The following CIAO1 variants were observed in gnomAD, a reference collection of about 807,000 sequenced individuals.
CIAO1 encodes the protein cytosolic iron-sulfur assembly component 1.
A neutral mutation model predicts 43.1 loss-of-function variants in CIAO1; 32 were observed. The ratio of observed to expected loss-of-function variants is 0.74; its 90% CI spans 0.56 to 1.00. The LOEUF (loss-of-function observed/expected upper bound fraction) is 1.00. CIAO1 is among the 50% of genes least tolerant of loss of function. CIAO1 has a pLI of 0.00. For missense variants in CIAO1, 415 were observed against 437.4 expected, an observed-to-expected ratio of 0.95 and a Z score of 0.46; for synonymous variants, 183 against 171.4, an observed-to-expected ratio of 1.07 and a Z score of -0.53.
Position 96,268,446 on chromosome 2 carries a change from T to C in CIAO1, c.490-11T>C. 1 of 1,613,926 alleles carries C rather than the reference T, an allele frequency of 6.2e-7. No individual in the cohort carries two copies. The highest frequency in any genetic ancestry group is 8.5e-7 in the Non-Finnish European group (1 of 1,179,814). On this transcript the variant is annotated splice_polypyrimidine_tract_variant and intron_variant, in intron 4 of 6. Coordinates refer to ENST00000488633, the MANE Select transcript of CIAO1 (RefSeq NM_004804.3). ...AGACACATGTTGGGTTTCCTTTCACTCTTCCCCCAGCTCTTAGCTTCTGCC... is the reference window on the plus strand; with the variant it reads ...AGACACATGTTGGGTTTCCTTTCACCCTTCCCCCAGCTCTTAGCTTCTGCC...
rs1684431862 is a variant in CIAO1 at position 96,266,484 on chromosome 2, C to T, written c.134C>T (p.Thr45Met). 2.6e-6 allele frequency: 4 copies of T among 1,538,446 alleles called. No homozygotes were observed. The highest frequency in any genetic ancestry group is 1.8e-6 in the Non-Finnish European group (2 of 1,135,142). The change falls in exon 1 of 7, where the codon ACG (threonine) becomes ATG (methionine). Residue 45 changes from threonine to methionine, a missense_variant. Physicochemically the swap from Thr to Met is moderately conservative, Grantham distance 81. Transcript: ENST00000488633. ...GACCGGAGAATCCGCATCTGGGGCA[C>T]GGAGGGTAAGGCCCAGCCTGGTTGC... ...GGDRRIRIWG[T>M]EGDSWICKSV... is the part of the protein sequence containing the mutation.
chr2:96,266,608 A>G (rs951397832), intron 1 of CIAO1, 119 bp downstream of exon 1: 61 of 1,122,244 alleles, frequency 5.4e-5, no homozygotes, highest in Non-Finnish European at 2.7e-5. Context: ...GTGGGATGTT[A>G]GCCACGCCGA....
intron 6 of CIAO1, among the ~76,000 whole-genome samples, chr2:96,270,669 G>C (rs1215764287): frequency 6.6e-6 from 1 of 151,220 alleles, no homozygotes; most frequent in Non-Finnish European, 1.5e-5. Context: ...AATTAGCCGG[G>C]CATGGTGGCA....
Position 96,268,570 on chromosome 2 carries a change from C to T in CIAO1, c.603C>T (p.Ala201=). The T allele has an allele frequency of 6.2e-7, 1 of 1,614,160 alleles. No individual in the cohort carries two copies. The highest frequency in any genetic ancestry group is 8.5e-7 in the Non-Finnish European group (1 of 1,180,038). ...EGHESTVWSL[A]FDPSGQRLAS... ...ATGAATCCACTGTGTGGAGCTTGGC[C>T]TTTGACCCGAGTGGCCAGCGCCTGG... Residue 201 remains alanine, a synonymous_variant, in exon 5 of 7, where the codon GCC becomes GCT. Transcript: ENST00000488633.
At chr2:96,267,563 CA>C (rs1684459592) in intron 2 of CIAO1, 61 bp from the exon 3 acceptor site, 3 of 1,608,864 alleles carry the variant, frequency 1.9e-6, no homozygotes, top group Non-Finnish European at 2.6e-6. Context: ...GGGCTGTACC[CA>C]TGGGAAGGGG....
Position 96,267,474 on chromosome 2 carries a change from C to T in CIAO1, c.288+5C>T, listed in dbSNP as rs1312013354. ...AAGAACCAGGATGACTTTGAGGTAC[C>T]CAGGCTGGTTGGGACCAGAATTATT... On this transcript the variant is annotated splice_donor_5th_base_variant and intron_variant, in intron 2 of 6. Coordinates refer to ENST00000488633, the MANE Select transcript of CIAO1 (RefSeq NM_004804.3). 3 of 1,613,820 alleles carry T rather than the reference C, an allele frequency of 1.9e-6. No homozygotes were observed. Among genetic ancestry groups the T allele is most frequent in the Admixed American group, 1.7e-5 (1 of 59,998 alleles).
At chr2:96,269,377 C>G (rs369905973) in intron 6 of CIAO1, 22 bp downstream of exon 6, 2 of 1,591,612 alleles carry the variant, frequency 1.3e-6, no homozygotes, top group African/African-American at 2.7e-5. Flanking sequence ...TCCCCCCACC[C>G]CATCCCATCC....
At position 96,271,520 on chromosome 2, in the gene CIAO1, C is replaced by A; in HGVS notation, c.*169C>A. The A allele has an allele frequency of 1.4e-6, 1 of 740,208 alleles. No individual in the cohort carries two copies. The highest frequency in any genetic ancestry group is 2.1e-6 in the Non-Finnish European group (1 of 466,274). The allele number at this position is 740,208 out of a possible 1,614,324, so 45.9% of individuals were successfully genotyped here. On this transcript the variant is annotated 3_prime_UTR_variant, in exon 7 of 7. Transcript: ENST00000488633. ...CCACAGAATTGCTTTCCTTCCCCGC[C>A]TTTGACATGAGGCCTTCAGTAAAGA... is the stretch of plus-strand genomic sequence containing the variant.
chr2:96,268,300 C>T (rs1363169785), intron 4 of CIAO1, among the ~76,000 whole-genome samples, 157 bp from the exon 5 acceptor site: 3 of 152,190 alleles, frequency 2.0e-5, no homozygotes, highest in Non-Finnish European at 4.4e-5. Context: ...TACGGTGAGC[C>T]GAGATCGTGC....
rs927647008 is a variant in CIAO1, at chr2:96,267,754, C to T, written c.400+18C>T. ...CTGGGAAGGTGAGGCCAGGTCCCTCCAGGTGGATTGGGAACCACCTGACAG... is the reference window on the plus strand; with the variant it reads ...CTGGGAAGGTGAGGCCAGGTCCCTCTAGGTGGATTGGGAACCACCTGACAG... On this transcript the variant is annotated intron_variant, in intron 3 of 6. Transcript: ENST00000488633. The T allele has an allele frequency of 3.7e-6, 6 of 1,613,628 alleles. 1 individual carries two copies. In the Admixed American group the frequency reaches 8.3e-5, roughly 22 times the overall value.
chr2:96,268,397 T>A, intron 4 of CIAO1, 60 bp from the exon 5 acceptor site: 6 of 1,396,834 alleles, frequency 4.3e-6, no homozygotes, highest in Non-Finnish European at 5.1e-6. Context: ...GGAACTGACC[T>A]GTCCTTTGCT....
rs892293910 is a variant in CIAO1, at chr2:96,272,495, A to G, written c.*1144A>G. ...GTAGTTTTGATATGTCCTTGATAGA[A>G]CAAATAGCAATGGTTAACTATTAAA... is the stretch of plus-strand genomic sequence containing the variant. On this transcript the variant is annotated 3_prime_UTR_variant, in exon 7 of 7. Transcript: ENST00000488633. 3.3e-5 allele frequency: 5 copies of G among 152,254 alleles called. No individual in the cohort carries two copies. Among genetic ancestry groups the G allele is most frequent in the Admixed American group, 1.3e-4 (2 of 15,286 alleles). The allele number at this position is 152,254 out of a possible 1,614,324, so 9.4% of individuals were successfully genotyped here.
chr2:96,268,001 C>T, intron 4 of CIAO1, 77 bp downstream of exon 4: 2 of 1,203,248 alleles, frequency 1.7e-6, no homozygotes, highest in South Asian at 1.2e-5. Flanking sequence ...TGCTTTTCAG[C>T]CTTAATCTAG....
chr2:96,268,359 T>TAATAA lies in CIAO1; in HGVS notation c.490-85_490-81dup, dbSNP rs577187733. 6.3e-5 allele frequency: 65 copies of TAATAA among 1,039,216 alleles called. 1 individual carries two copies. The African/African-American group carries it at 1.0e-3, about 16-fold the overall frequency. The allele number at this position is 1,039,216 out of a possible 1,614,324, so 64.4% of individuals were successfully genotyped here. Reference sequence around the variant, plus strand: ...AACAGCAAACTTCATCTCAAATAAATAATAAAATAAAATAAAAGCAGATAC... The same window carrying TAATAA: ...AACAGCAAACTTCATCTCAAATAAATAATAAAATAAAATAAAATAAAAGCAGATAC... On this transcript the variant is annotated intron_variant, in intron 4 of 6. Transcript: ENST00000488633.
At chr2:96,268,709 A>G (rs1380968969) in intron 5 of CIAO1, 51 bp downstream of exon 5, 2 of 1,583,574 alleles carry the variant, frequency 1.3e-6, no homozygotes, top group Non-Finnish European at 1.7e-6. Flanking sequence ...AGGGGTTCAC[A>G]GTCTGCTAAG....
rs1220596610 is a variant in CIAO1, at chr2:96,271,684, G to A, written c.*333G>A. ...GGTATGTGTCTCAGGCTTTTCTGAA[G>A]TTGCAAGACTTAAAGAAATAATCCA... On this transcript the variant is annotated 3_prime_UTR_variant, in exon 7 of 7. Coordinates refer to ENST00000488633, the MANE Select transcript of CIAO1 (RefSeq NM_004804.3). 1 of 185,708 alleles carries A rather than the reference G, an allele frequency of 5.4e-6. No individual in the cohort carries two copies. The highest frequency in any genetic ancestry group is 1.1e-5 in the Non-Finnish European group (1 of 89,506). 11.5% of individuals were successfully genotyped at this position (185,708 alleles called of 1,614,324 possible).
At position 96,266,449 on chromosome 2, in the gene CIAO1, G is replaced by C; in HGVS notation, c.99G>C (p.Ser33=). 2 of 1,555,464 alleles carry C rather than the reference G, an allele frequency of 1.3e-6. No homozygotes were observed. The highest frequency in any genetic ancestry group is 1.7e-6 in the Non-Finnish European group (2 of 1,145,780). ...AWNPAGTLLA[S]CGGDRRIRIW... Reference sequence around the variant, plus strand: ...ACCCCGCGGGGACCCTGCTGGCCTCGTGCGGCGGCGACCGGAGAATCCGCA... The same window carrying C: ...ACCCCGCGGGGACCCTGCTGGCCTCCTGCGGCGGCGACCGGAGAATCCGCA... The change falls in exon 1 of 7, where the codon TCG becomes TCC. Residue 33 remains serine, a synonymous_variant. Coordinates refer to ENST00000488633, the MANE Select transcript of CIAO1 (RefSeq NM_004804.3).
intron 1 of CIAO1, 57 bp from the exon 2 acceptor site, chr2:96,267,264 G>A: frequency 6.7e-7 from 1 of 1,487,580 alleles, no homozygotes; most frequent in Non-Finnish European, 9.0e-7. Flanking sequence ...CCCTGATATT[G>A]AATGGCTTCA....
Position 96,268,459 on chromosome 2 carries a change from C to T in CIAO1, c.492C>T (p.Leu164=), listed in dbSNP as rs1283508337. 2 of 1,614,114 alleles carry T rather than the reference C, an allele frequency of 1.2e-6. No homozygotes were observed. Among genetic ancestry groups the T allele is most frequent in the East Asian group, 2.2e-5 (1 of 44,888 alleles). ...KHVVWHPSQE[L]LASASYDDTV... is the part of the protein sequence containing the mutation. ...GTTTCCTTTCACTCTTCCCCCAGCT[C>T]TTAGCTTCTGCCAGCTATGATGACA... is the stretch of plus-strand genomic sequence containing the variant. The change falls in exon 5 of 7, where the codon CTC becomes CTT. Residue 164 remains leucine, a splice_region_variant and synonymous_variant. Transcript: ENST00000488633.
Sources: gnomAD v4.1 joint callset for allele counts (sites outside exome capture counted in the v4.1 genomes callset) on GRCh38, gnomAD v4.1.1 for gene constraint, MANE v1.5 for transcripts, NCBI Gene and HGNC (gene_info 2026-07-23, HGNC 2026-07-21) for gene names.